Variants in NELL2 observed in about 807,000 individuals in gnomAD.
The protein encoded by NELL2 is protein kinase C-binding protein NELL2.
In NELL2, 41 loss-of-function variants were observed where a neutral mutation model predicts 109.6. The observed-to-expected ratio is 0.37, with a 90% CI of 0.29 to 0.49. NELL2 has a LOEUF of 0.49. NELL2 is among the 20% of genes least tolerant of loss of function. The pLI, the probability that NELL2 is intolerant of heterozygous loss-of-function variation, is 0.98. For synonymous variants in NELL2, 355 were observed against 344.7 expected (o/e 1.03, Z -0.33); for missense variants, 900 against 1,008.3 (o/e 0.89, Z 1.45).
chr12:44,511,646 G>T (rs963482675), intron 19 of NELL2, among the ~76,000 whole-genome samples: 1 of 152,190 alleles, frequency 6.6e-6, no homozygotes, highest in Admixed American at 6.5e-5. Context: ...TTGCAGAAGA[G>T]ATTCTAAAGA....
intron 13 of NELL2, among the ~76,000 whole-genome samples, chr12:44,613,300 T>C (rs1945694410): frequency 6.6e-6 from 1 of 152,158 alleles, no homozygotes; most frequent in African/African-American, 2.4e-5. Context: ...ACTCTGGGAC[T>C]GTGAATTTTT....
At chr12:44,570,477 G>A (rs975127993) in intron 15 of NELL2, among the ~76,000 whole-genome samples, 1 of 152,088 alleles carries the variant, frequency 6.6e-6, no homozygotes, top group Admixed American at 6.6e-5. Context: ...AATCGAAGCC[G>A]ATAATTCAGT....
At chr12:44,879,731 G>C (rs962099528), upstream of NELL2, among the ~76,000 whole-genome samples, 1 of 151,966 alleles carries the variant, frequency 6.6e-6, no homozygotes, top group Non-Finnish European at 1.5e-5. Context: ...GATAAGAGTA[G>C]TAAGCTTTGA....
At position 44,779,644 on chromosome 12, in the gene NELL2, G is replaced by C; in HGVS notation, c.606+19C>G. On this transcript the variant is annotated intron_variant, in intron 5 of 19. Transcript: ENST00000429094. ...AGAAAGCATTTACATTTCATTCTCAGACTTTTGCCAAAAGATACCTTAAAA... is the reference window on the plus strand; with the variant it reads ...AGAAAGCATTTACATTTCATTCTCACACTTTTGCCAAAAGATACCTTAAAA... The C allele has an allele frequency of 6.3e-7, 1 of 1,592,744 alleles. No individual in the cohort carries two copies. The highest frequency in any genetic ancestry group is 1.7e-5 in the Admixed American group (1 of 59,698).
intron 2 of NELL2, among the ~76,000 whole-genome samples, chr12:44,823,142 G>GTA (rs2136701844): frequency 6.6e-6 from 1 of 152,190 alleles, no homozygotes; most frequent in South Asian, 2.1e-4. Flanking sequence ...AATTAAAATT[G>GTA]TATATATTTA....
chr12:44,680,153 G>A (rs1592320487), intron 12 of NELL2, among the ~76,000 whole-genome samples: 1 of 152,098 alleles, frequency 6.6e-6, no homozygotes, highest in African/African-American at 2.4e-5. Flanking sequence ...TACCCAAATT[G>A]TTACCCATCC....
chr12:44,679,859 C>T (rs1168219740), intron 12 of NELL2, among the ~76,000 whole-genome samples: 2 of 152,110 alleles, frequency 1.3e-5, no homozygotes, highest in African/African-American at 4.8e-5. Context: ...AGTATCTTCC[C>T]TAACCTCTGG....
chr12:44,632,531 T>C (rs911270961), intron 13 of NELL2, among the ~76,000 whole-genome samples: 11 of 152,030 alleles, frequency 7.2e-5, no homozygotes, highest in Non-Finnish European at 1.6e-4. Flanking sequence ...GGATGGTGTT[T>C]TGAAGATTGA....
upstream of NELL2, among the ~76,000 whole-genome samples, chr12:44,918,513 A>ATGTGTGTG (rs1491464728): frequency 5.8e-5 from 7 of 121,426 alleles, no homozygotes; most frequent in South Asian, 5.9e-4. Flanking sequence ...TCATGCATGC[A>ATGTGTGTG]TGTATGTGTG....
intron 15 of NELL2, among the ~76,000 whole-genome samples, chr12:44,550,409 G>A (rs1942987871): frequency 8.2e-6 from 1 of 121,302 alleles, no homozygotes; most frequent in Non-Finnish European, 1.9e-5. Context: ...CACCATGCCA[G>A]GCTAATTTTT....
At chr12:44,716,843 G>A (rs1938515527) in intron 9 of NELL2, among the ~76,000 whole-genome samples, 1 of 151,814 alleles carries the variant, frequency 6.6e-6, no homozygotes. Context: ...AAAACACAAG[G>A]GTAAATTCTC....
At chr12:44,603,042 T>C (rs1945275914) in intron 15 of NELL2, among the ~76,000 whole-genome samples, 1 of 152,174 alleles carries the variant, frequency 6.6e-6, no homozygotes, top group African/African-American at 2.4e-5. Context: ...AACACTCATG[T>C]AGGCCTCATG....
At chr12:44,552,611 T>C (rs1335435302) in intron 15 of NELL2, among the ~76,000 whole-genome samples, 2 of 152,132 alleles carry the variant, frequency 1.3e-5, no homozygotes, top group Non-Finnish European at 2.9e-5. Flanking sequence ...ATATTTATTT[T>C]ATTATTACTA....
chr12:44,854,150 T>C (rs1312558126), intron 2 of NELL2, among the ~76,000 whole-genome samples: 1 of 152,212 alleles, frequency 6.6e-6, no homozygotes, highest in South Asian at 2.1e-4. Context: ...GGACACTTAA[T>C]GGTCCATCAG....
intron 3 of NELL2, among the ~76,000 whole-genome samples, chr12:44,790,125 A>T (rs950228155): frequency 3.3e-5 from 5 of 152,200 alleles, no homozygotes; most frequent in African/African-American, 1.2e-4. Context: ...AGCTCAAAGA[A>T]CACCTGGGAA....
At chr12:44,658,947 A>G (rs1789514973) in intron 13 of NELL2, among the ~76,000 whole-genome samples, 2 of 151,988 alleles carry the variant, frequency 1.3e-5, no homozygotes, top group South Asian at 2.1e-4. Context: ...CTGATTTCAA[A>G]CTATACTACA....
Position 44,716,677 on chromosome 12 carries a change from C to A in NELL2, c.995-1936G>T, listed in dbSNP as rs147672309. On this transcript the variant is annotated intron_variant, in intron 9 of 19. Transcript: ENST00000429094. ...ATAAGATAATGAGAATAAACAAAAC[C>A]TTTCTTACATCTATTCAGTACCTGC... 7.5e-3 allele frequency among the ~76,000 whole-genome samples: 1,134 copies of A among 151,964 alleles called. 9 individuals carry two copies. Among genetic ancestry groups the A allele is most frequent in the African/African-American group, 0.022 (897 of 41,440 alleles).
chr12:44,874,589 AATG>A (rs1195789283), intron 2 of NELL2, among the ~76,000 whole-genome samples: 5 of 152,240 alleles, frequency 3.3e-5, no homozygotes, highest in Non-Finnish European at 7.3e-5. Context: ...GTACACAATT[AATG>A]ATAATATGAG....
chr12:44,911,814 G>A (rs190558779), intron 1 of NELL2, among the ~76,000 whole-genome samples: 1 of 151,680 alleles, frequency 6.6e-6, no homozygotes, highest in Non-Finnish European at 1.5e-5. Context: ...AAAAGGAGGT[G>A]GTGACTAAAT....
Sources: gnomAD v4.1 joint callset for allele counts (sites outside exome capture counted in the v4.1 genomes callset) on GRCh38, gnomAD v4.1.1 for gene constraint, MANE v1.5 for transcripts, NCBI Gene and HGNC (gene_info 2026-07-23, HGNC 2026-07-21) for gene names.